METTL15: variants seen among roughly 807,000 people sequenced by gnomAD.
METTL15 encodes methyltransferase 15, mitochondrial 12S rRNA N4-cytidine.
In METTL15, 34 loss-of-function variants were observed where a neutral mutation model predicts 38.3. The observed-to-expected ratio is 0.89, with a 90% CI of 0.68 to 1.18. METTL15 has a LOEUF of 1.18. METTL15 is among the 50% of genes most tolerant of loss of function. The pLI, the probability that METTL15 is intolerant of heterozygous loss-of-function variation, is 0.00. For synonymous variants in METTL15, 162 were observed against 170.9 expected, an observed-to-expected ratio of 0.95 and a Z score of 0.41; for missense variants, 438 against 498.4, an observed-to-expected ratio of 0.88 and a Z score of 1.15.
intron 6 of METTL15, among the ~76,000 whole-genome samples, chr11:28,323,500 TG>T (rs1849536838): frequency 6.6e-6 from 1 of 152,166 alleles, no homozygotes; most frequent in African/African-American, 2.4e-5. Flanking sequence ...GAGACTTGAA[TG>T]AAGTAGGGAG....
chr11:28,470,988 A>G (rs747435251), intron 6 of METTL15, among the ~76,000 whole-genome samples: 15 of 152,032 alleles, frequency 9.9e-5, no homozygotes, highest in East Asian at 1.9e-4. Flanking sequence ...AACAACAACA[A>G]CTTCTTCTTA....
intron 4 of METTL15, among the ~76,000 whole-genome samples, chr11:28,239,884 A>G (rs567762728): frequency 5.9e-4 from 90 of 152,336 alleles, no homozygotes; most frequent in African/African-American, 2.1e-3. Flanking sequence ...TTGACATAGT[A>G]CATATTTATT....
chr11:28,432,890 A>G (rs1014254315), intron 6 of METTL15, among the ~76,000 whole-genome samples: 10 of 151,376 alleles, frequency 6.6e-5, no homozygotes, highest in African/African-American at 2.4e-4. Flanking sequence ...ACAAACTCCC[A>G]GAGCACTGGC....
At chr11:28,109,043 G>A (rs1343370272) in intron 1 of METTL15, among the ~76,000 whole-genome samples, 1 of 152,076 alleles carries the variant, frequency 6.6e-6, no homozygotes, top group Non-Finnish European at 1.5e-5. Context: ...AGTATGCAAT[G>A]GAATCAAACT....
chr11:28,419,251 G>T (rs1850799279), intron 5 of METTL15, among the ~76,000 whole-genome samples: 1 of 152,172 alleles, frequency 6.6e-6, no homozygotes, highest in Non-Finnish European at 1.5e-5. Context: ...CATAGGAGTG[G>T]TCACCTGTGT....
intron 4 of METTL15, among the ~76,000 whole-genome samples, chr11:28,287,848 A>C (rs1300748464): frequency 6.6e-6 from 1 of 152,080 alleles, no homozygotes; most frequent in Non-Finnish European, 1.5e-5. Flanking sequence ...TTATCCAAAC[A>C]AGCCAATCAC....
chr11:28,393,622 C>G (rs753635986), intron 5 of METTL15, among the ~76,000 whole-genome samples: 1 of 151,988 alleles, frequency 6.6e-6, no homozygotes, highest in Non-Finnish European at 1.5e-5. Flanking sequence ...CAGGGTTACT[C>G]GAGAGTTTTC....
intron 6 of METTL15, among the ~76,000 whole-genome samples, chr11:28,433,408 T>G (rs1419121008): frequency 3.3e-5 from 5 of 152,316 alleles, no homozygotes; most frequent in African/African-American, 1.2e-4. Flanking sequence ...AGACCTCTGT[T>G]TGAACTTTGA....
At chr11:28,340,924 A>G (rs1358664968) in intron 3 of METTL15, among the ~76,000 whole-genome samples, 1 of 152,204 alleles carries the variant, frequency 6.6e-6, no homozygotes, top group African/African-American at 2.4e-5. Context: ...ACCAACCCAA[A>G]TGCCCATCAA....
intron 5 of METTL15, among the ~76,000 whole-genome samples, chr11:28,405,417 C>A (rs1415166197): frequency 6.6e-6 from 1 of 152,106 alleles, no homozygotes; most frequent in East Asian, 1.9e-4. Flanking sequence ...TCCCATTTGG[C>A]CTTAACTACA....
chr11:28,207,452 A>T (rs977135256), intron 3 of METTL15, among the ~76,000 whole-genome samples: 2 of 152,140 alleles, frequency 1.3e-5, no homozygotes, highest in African/African-American at 4.8e-5. Flanking sequence ...CATCCCAGGG[A>T]TGAAGCCCAC....
chr11:28,245,324 G>A lies in METTL15; in HGVS notation c.407+34126G>A, dbSNP rs536643478. ...CAGGAAGACTAAGCAAATTCCTGTG[G>A]CCATAAAAGGATATTTGAAATTTTC... is the stretch of plus-strand genomic sequence containing the variant. On this transcript the variant is annotated intron_variant, in intron 4 of 6. Coordinates refer to ENST00000407364, the MANE Select transcript of METTL15 (RefSeq NM_001113528.2). 2.0e-4 allele frequency among the ~76,000 whole-genome samples: 31 copies of A among 152,232 alleles called. 1 individual carries two copies. Among genetic ancestry groups the A allele is most frequent in the African/African-American group, 5.3e-4 (22 of 41,544 alleles).
intron 5 of METTL15, among the ~76,000 whole-genome samples, chr11:28,418,591 A>G (rs956280441): frequency 2.3e-4 from 35 of 152,172 alleles, no homozygotes; most frequent in African/African-American, 8.4e-4. Flanking sequence ...CTGTCTATAC[A>G]AAATAGCCCT....
At chr11:28,112,758 G>A (rs569292716) in intron 2 of METTL15, among the ~76,000 whole-genome samples, 15 of 152,038 alleles carry the variant, frequency 9.9e-5, no homozygotes, top group African/African-American at 3.4e-4. Flanking sequence ...TCAGAGAATC[G>A]GACTGATAGA....
chr11:28,474,338 T>G (rs1851327414), intron 6 of METTL15, among the ~76,000 whole-genome samples: 1 of 152,110 alleles, frequency 6.6e-6, no homozygotes, highest in South Asian at 2.1e-4. Context: ...TTCTCCTTTC[T>G]TTAATCCAAG....
intron 5 of METTL15, among the ~76,000 whole-genome samples, chr11:28,387,980 T>C (rs923546839): frequency 1.3e-5 from 2 of 152,032 alleles, no homozygotes; most frequent in African/African-American, 4.8e-5. Context: ...GCAGAAAAAG[T>C]ATTTGAGAAA....
chr11:28,131,292 G>A (rs1431722248), intron 3 of METTL15, among the ~76,000 whole-genome samples: 2 of 152,136 alleles, frequency 1.3e-5, no homozygotes, highest in African/African-American at 4.8e-5. Flanking sequence ...ATGAGGCAAG[G>A]TGGTAAAGTT....
At chr11:28,227,705 C>T (rs1590189503) in intron 4 of METTL15, among the ~76,000 whole-genome samples, 1 of 151,984 alleles carries the variant, frequency 6.6e-6, no homozygotes, top group South Asian at 2.1e-4. Flanking sequence ...GTTTTTGAAA[C>T]AGGGAACTGA....
At chr11:28,426,212 C>G (rs1252572005) in intron 6 of METTL15, among the ~76,000 whole-genome samples, 1 of 152,108 alleles carries the variant, frequency 6.6e-6, no homozygotes, top group Non-Finnish European at 1.5e-5. Flanking sequence ...GGTTTTCTGT[C>G]CCTGTGTTAA....
Sources: allele counts gnomAD v4.1 joint callset (sites outside exome capture counted in the v4.1 genomes callset), GRCh38; gene constraint gnomAD v4.1.1; transcripts MANE v1.5; gene names NCBI Gene and HGNC (gene_info 2026-07-23, HGNC 2026-07-21).